Variants in FADS3 observed in about 807,000 individuals in gnomAD.
FADS3 encodes fatty acid desaturase 3.
A neutral mutation model predicts 60.4 loss-of-function variants in FADS3; 30 were observed. The observed-to-expected ratio is 0.50, with a 90% CI of 0.37 to 0.67. FADS3 has a LOEUF of 0.67. Ranked by LOEUF, FADS3 falls within the 30% of genes least tolerant of loss-of-function variation. The pLI is 0.00. For missense variants in FADS3, 432 were observed against 598.3 expected (o/e 0.72, Z 2.90); for synonymous variants, 234 against 249.3 (o/e 0.94, Z 0.58).
At chr11:61,881,279 A>AG (rs1305799725) in intron 1 of FADS3, 3 of 152,262 alleles carry the variant, frequency 2.0e-5, no homozygotes, top group Non-Finnish European at 4.4e-5. Context: ...GGGTGAGAAG[A>AG]GAAGACAGAC....
intron 1 of FADS3, among the ~76,000 whole-genome samples, chr11:61,885,891 C>T (rs1226511864): frequency 2.0e-5 from 3 of 152,126 alleles, no homozygotes; most frequent in Admixed American, 1.3e-4. Context: ...ACAGCAGGAG[C>T]GTGCCCAGCA....
intron 1 of FADS3, among the ~76,000 whole-genome samples, chr11:61,884,325 G>A (rs1938236368): frequency 6.6e-6 from 1 of 152,160 alleles, no homozygotes; most frequent in Non-Finnish European, 1.5e-5. Flanking sequence ...GAGGGGCAAG[G>A]GGAGGGAGAG....
In FADS3 at chr11:61,877,303, C is replaced by T. The variant is rs1387189994; in HGVS notation, c.885+208G>A. On this transcript the variant is annotated intron_variant, in intron 7 of 11. Coordinates refer to ENST00000278829, the MANE Select transcript of FADS3 (RefSeq NM_021727.5). The surrounding 1 kb of genome is among the most constrained non-coding windows in gnomAD (Gnocchi z 4.7). ...ACCCACACCCCCCCTGTTCCTCAAC[C>T]CCCCCCCACCACACGTACAGTCACG... The T allele has an allele frequency of 3.1e-5, 8 of 255,522 alleles. No homozygotes were observed. Among genetic ancestry groups the T allele is most frequent in the Admixed American group, 1.1e-4 (2 of 18,454 alleles). 15.8% of individuals were successfully genotyped at this position (255,522 alleles called of 1,614,324 possible). A position where few individuals can be genotyped will look rare whatever the true frequency, so the allele number is the denominator to read the frequency against.
rs888288196 is a variant in FADS3, at chr11:61,891,479, C to T, written c.-98G>A. On this transcript the variant is annotated 5_prime_UTR_variant, in exon 1 of 12. Transcript: ENST00000278829. ...CGCTCCCGGGCGCCGCCTCCGCCGC[C>T]GCCCGCTGCTCCGGCCCCGCCCTGC... The T allele has an allele frequency of 5.9e-6, 5 of 848,982 alleles. No homozygotes were observed. The African/African-American group carries it at 8.8e-5, about 15-fold the overall frequency. 52.6% of individuals were successfully genotyped at this position (848,982 alleles called of 1,614,324 possible).
chr11:61,883,096 C>T (rs868794880), intron 1 of FADS3, among the ~76,000 whole-genome samples: 1 of 152,320 alleles, frequency 6.6e-6, no homozygotes, highest in Middle Eastern at 3.4e-3. Flanking sequence ...AGGTGTCCAG[C>T]TCAGTGGTAT....
chr11:61,887,682 C>A (rs1292621226), intron 1 of FADS3, among the ~76,000 whole-genome samples: 1 of 152,204 alleles, frequency 6.6e-6, no homozygotes, highest in Non-Finnish European at 1.5e-5. Context: ...AACTCATTCC[C>A]TGTAGAAGTT....
chr11:61,876,234 T>A lies in FADS3; in HGVS notation c.1081-44A>T. ...GCACATGTGAGGAGGCCGTTGCAGA[T>A]CCCTGACCCCACGGCACCATCCCCC... On this transcript the variant is annotated intron_variant, in intron 9 of 11. Coordinates refer to ENST00000278829, the MANE Select transcript of FADS3 (RefSeq NM_021727.5). This position sits in a 1 kb window ranked among gnomAD's most constrained non-coding sequence, Gnocchi z 5.7. 6.3e-7 allele frequency: 1 copy of A among 1,577,886 alleles called. No individual in the cohort carries two copies. Among genetic ancestry groups the A allele is most frequent in the Non-Finnish European group, 8.6e-7 (1 of 1,161,304 alleles).
chr11:61,885,240 G>T (rs954555457), intron 1 of FADS3, among the ~76,000 whole-genome samples: 3 of 152,250 alleles, frequency 2.0e-5, no homozygotes, highest in Admixed American at 6.5e-5. Context: ...AGCTGGTCGG[G>T]GGGGTGTCCC....
chr11:61,878,319 A>G, intron 5 of FADS3, 104 bp from the exon 6 acceptor site: 1 of 1,395,104 alleles, frequency 7.2e-7, no homozygotes, highest in Non-Finnish European at 1.0e-6. Flanking sequence ...AGGCAACTCT[A>G]GATTCTAGCA....
intron 3 of FADS3, among the ~76,000 whole-genome samples, chr11:61,879,088 G>T (rs1938025489): frequency 6.6e-6 from 1 of 152,220 alleles, no homozygotes; most frequent in Admixed American, 6.5e-5. Context: ...TGCTTGATCG[G>T]AATCTGTTCA....
chr11:61,883,748 T>C (rs1347864895), intron 1 of FADS3, among the ~76,000 whole-genome samples: 2 of 152,218 alleles, frequency 1.3e-5, no homozygotes, highest in Non-Finnish European at 2.9e-5. Flanking sequence ...TCCTTTCCCG[T>C]TGGTCCTGAT....
At chr11:61,875,151 G>T (rs1275601834) in intron 11 of FADS3, among the ~76,000 whole-genome samples, 1 of 152,170 alleles carries the variant, frequency 6.6e-6, no homozygotes, top group Admixed American at 6.5e-5. Flanking sequence ...CTATATAGAG[G>T]GTTCTTTCTA....
In FADS3 at chr11:61,880,112, G is replaced by T; in HGVS notation, c.253C>A (p.Arg85Ser). 1 of 1,614,096 alleles carries T rather than the reference G, an allele frequency of 6.2e-7. No individual in the cohort carries two copies. Among genetic ancestry groups the T allele is most frequent in the South Asian group, 1.1e-5 (1 of 91,082 alleles). ...ATCAACAGGGGCTGTAGGAACTTGC[G>T]CACAAAATTGAGATCTTGATGGAAG... ...RAFHQDLNFV[R>S]KFLQPLLIGE... Residue 85 changes from arginine to serine, a missense_variant, in exon 2 of 12, where the codon CGC becomes AGC. This residue lies in a region of FADS3 where 167 missense variants were observed against 188.8 expected (regional missense o/e 0.88). Coordinates refer to ENST00000278829, the MANE Select transcript of FADS3 (RefSeq NM_021727.5).
intron 1 of FADS3, 52 bp from the exon 2 acceptor site, chr11:61,880,203 A>G: frequency 6.9e-7 from 1 of 1,440,506 alleles, no homozygotes; most frequent in Non-Finnish European, 9.7e-7. Context: ...TGAGTAGCAC[A>G]GCGGCAACCA....
rs369417448 is a variant in FADS3 at position 61,877,622 on chromosome 11, G to C, written c.809-35C>G. The C allele has an allele frequency of 3.7e-6, 6 of 1,602,962 alleles. No homozygotes were observed. The highest frequency in any genetic ancestry group is 3.4e-6 in the Non-Finnish European group (4 of 1,173,060). ...GGGGCATGAGAGTGTTCAGGAGTGG[G>C]GCTGGGCTGCCAAGGTGAGTGGGCG... is the stretch of plus-strand genomic sequence containing the variant. On this transcript the variant is annotated intron_variant, in intron 6 of 11. Transcript: ENST00000278829. This position sits in a 1 kb window ranked among gnomAD's most constrained non-coding sequence, Gnocchi z 4.7.
Position 61,877,051 on chromosome 11 carries a change from T to C in FADS3, c.886-88A>G. The C allele has an allele frequency of 3.4e-6, 3 of 885,426 alleles. No individual in the cohort carries two copies. Among genetic ancestry groups the C allele is most frequent in the Non-Finnish European group, 5.1e-6 (3 of 585,574 alleles). 54.8% of individuals were successfully genotyped at this position (885,426 alleles called of 1,614,324 possible). On this transcript the variant is annotated intron_variant, in intron 7 of 11. Coordinates refer to ENST00000278829, the MANE Select transcript of FADS3 (RefSeq NM_021727.5). The surrounding 1 kb of genome is among the most constrained non-coding windows in gnomAD (Gnocchi z 4.7). ...GTGGGTGGGAGGAGGACCTCAGGCA[T>C]CCAACCCTTCTGCCTGATTTGCCTC... is the stretch of plus-strand genomic sequence containing the variant.
chr11:61,875,825 A>G, intron 11 of FADS3, 26 bp downstream of exon 11: 1 of 1,608,198 alleles, frequency 6.2e-7, no homozygotes, highest in Non-Finnish European at 8.5e-7. Flanking sequence ...AGCCACCAGA[A>G]CAGAGGGGCC....
Position 61,876,379 on chromosome 11 carries a change from G to C in FADS3, c.1060C>G (p.Arg354Gly). 6.2e-7 allele frequency: 1 copy of C among 1,611,808 alleles called. No homozygotes were observed. The highest frequency in any genetic ancestry group is 8.5e-7 in the Non-Finnish European group (1 of 1,179,350). Residue 354 changes from arginine to glycine, a missense_variant, in exon 9 of 12, where the codon CGG becomes GGG. Arg to Gly is a moderately radical substitution (Grantham distance 125). This residue lies in a region of FADS3 where 48 missense variants were observed against 101.3 expected (regional missense o/e 0.47). Coordinates refer to ENST00000278829, the MANE Select transcript of FADS3 (RefSeq NM_021727.5). This position sits in a 1 kb window ranked among gnomAD's most constrained non-coding sequence, Gnocchi z 5.7. ...IPKEIGHEKH[R>G]DWVSSQLAAT... ...CCCACCTGAGAGCTGACCCAGTCCC[G>C]GTGCTTCTCGTGGCCGATCTCCTTG...
intron 11 of FADS3, among the ~76,000 whole-genome samples, chr11:61,875,373 ATTTTTG>A (rs1937828429): frequency 1.1e-5 from 1 of 89,986 alleles, no homozygotes; most frequent in African/African-American, 4.2e-5. Context: ...CACCCAGCTA[ATTTTTG>A]TTTTTTTTTT....
Sources: allele counts gnomAD v4.1 joint callset (sites outside exome capture counted in the v4.1 genomes callset), GRCh38; gene constraint gnomAD v4.1.1; regional missense constraint gnomAD v4.1.1; non-coding constraint Gnocchi (gnomAD v3.1); transcripts MANE v1.5; gene names NCBI Gene and HGNC (gene_info 2026-07-23, HGNC 2026-07-21).